SPTBN2: variants seen among roughly 807,000 people sequenced by gnomAD.
SPTBN2 encodes the protein spectrin beta chain, non-erythrocytic 2.
SPTBN2 carries 107 observed loss-of-function variants against 284.2 expected under a neutral mutation model. The observed-to-expected ratio is 0.38, with a 90% CI of 0.32 to 0.44. SPTBN2 has a LOEUF of 0.44. Ranked by LOEUF, SPTBN2 falls within the 20% of genes least tolerant of loss-of-function variation. The pLI, the probability that SPTBN2 is intolerant of heterozygous loss-of-function variation, is 1.00. For missense variants in SPTBN2, 2,569 were observed against 3,287.1 expected (o/e 0.78, Z 5.34); for synonymous variants, 1,289 against 1,354.8 (o/e 0.95, Z 1.07).
At chr11:66,699,747 G>C in intron 17 of SPTBN2, 139 bp from the exon 18 acceptor site, 1 of 887,816 alleles carries the variant, frequency 1.1e-6, no homozygotes, top group East Asian at 2.6e-5. Flanking sequence ...CTGAAGACAG[G>C]GAGGCTGCCA....
Position 66,691,851 on chromosome 11 carries a change from C to G in SPTBN2, c.5191-193G>C, listed in dbSNP as rs1393584053. Among the ~76,000 whole-genome samples the G allele has an allele frequency of 1.4e-5, 2 of 140,328 alleles. No individual in the cohort carries two copies. Among genetic ancestry groups the G allele is most frequent in the East Asian group, 5.2e-4 (2 of 3,836 alleles). The allele number at this position is 140,328 out of a possible 152,430, so 92.1% of individuals were successfully genotyped here. On this transcript the variant is annotated intron_variant, in intron 26 of 37. Coordinates refer to ENST00000533211, the MANE Select transcript of SPTBN2 (RefSeq NM_006946.4). This position sits in a 1 kb window ranked among gnomAD's most constrained non-coding sequence, Gnocchi z 8.0. ...ACTGACCCTGTATTTGACAGACTCC[C>G]TCCACCCCCAGCAAAGGCGTTTCAA...
rs767441529 is a variant in SPTBN2 at position 66,705,275 on chromosome 11, G to A, written c.2001C>T (p.Ala667=). Residue 667 remains alanine (A), a synonymous_variant, in exon 15 of 38, where the codon GCC becomes GCT. Transcript: ENST00000533211. ...VREQQHLLAS[A]DTGRDLTGAL... is the part of the protein sequence containing the mutation. The stretch of plus-strand genomic sequence containing the variant: ...CACCGGTCAGGTCTCGGCCCGTGTC[G>A]GCTGAGGCCAGGAGGTGCTGCTGCT... 10 of 1,595,778 alleles carry A rather than the reference G, an allele frequency of 6.3e-6. No individual in the cohort carries two copies. In the East Asian group the frequency reaches 1.1e-4, roughly 18 times the overall value.
upstream of SPTBN2, among the ~76,000 whole-genome samples, chr11:66,734,102 ATTTTCTTC>A (rs549931793): frequency 8.3e-3 from 1,253 of 151,376 alleles, 17 homozygotes; most frequent in African/African-American, 0.029. Flanking sequence ...GCTTCTTGAA[ATTTTCTTC>A]TTTTGTTATG....
At chr11:66,736,747 T>C (rs1942853074) in intron 1 of SPTBN2, among the ~76,000 whole-genome samples, 1 of 152,226 alleles carries the variant, frequency 6.6e-6, no homozygotes, top group South Asian at 2.1e-4. Flanking sequence ...TGAGTTGTAC[T>C]AGAAAACCCA....
chr11:66,699,203 C>T (rs1361089693), intron 18 of SPTBN2, 121 bp from the exon 19 acceptor site: 6 of 1,368,278 alleles, frequency 4.4e-6, no homozygotes, highest in East Asian at 2.4e-5. Context: ...CACAATGAGG[C>T]TACCCAGGAA....
intron 36 of SPTBN2, 123 bp downstream of exon 36, chr11:66,686,866 AGTGGC>A: frequency 4.8e-6 from 6 of 1,261,324 alleles, no homozygotes; most frequent in Non-Finnish European, 5.7e-6. Context: ...ACTATCCCCA[AGTGGC>A]TGGCCTGGTT....
Position 66,707,048 on chromosome 11 carries a change from C to T in SPTBN2, c.1653+468G>A, listed in dbSNP as rs912025798. On this transcript the variant is annotated intron_variant, in intron 13 of 37. Coordinates refer to ENST00000533211, the MANE Select transcript of SPTBN2 (RefSeq NM_006946.4). This position sits in a 1 kb window ranked among gnomAD's most constrained non-coding sequence, Gnocchi z 4.9. The stretch of plus-strand genomic sequence containing the variant: ...CTCCCAAATCTCAGTCCATGGCCCC[C>T]ACTCCTCATGCTCACAGCCCACCGG... Among the ~76,000 whole-genome samples, 2 of 152,374 alleles carry T rather than the reference C, an allele frequency of 1.3e-5. No homozygotes were observed. Among genetic ancestry groups the T allele is most frequent in the African/African-American group, 4.8e-5 (2 of 41,580 alleles).
Position 66,683,998 on chromosome 11 carries a change from C to T in SPTBN2, c.*1873G>A, listed in dbSNP as rs139200307. Among the ~76,000 whole-genome samples, 2 of 152,356 alleles carry T rather than the reference C, an allele frequency of 1.3e-5. No individual in the cohort carries two copies. Among genetic ancestry groups the T allele is most frequent in the Non-Finnish European group, 2.9e-5 (2 of 68,038 alleles). On this transcript the variant is annotated 3_prime_UTR_variant, in exon 38 of 38. Coordinates refer to ENST00000533211, the MANE Select transcript of SPTBN2 (RefSeq NM_006946.4). ...GCTGTGGAACAGTAAATCTACCCATCTTAAGGGGGAAATTATCCTGCAGGC... is the reference window on the plus strand; with the variant it reads ...GCTGTGGAACAGTAAATCTACCCATTTTAAGGGGGAAATTATCCTGCAGGC...
At chr11:66,688,987 G>A (rs536660323) in intron 30 of SPTBN2, 109 bp downstream of exon 30, 2 of 1,453,074 alleles carry the variant, frequency 1.4e-6, no homozygotes, top group East Asian at 4.8e-5. Flanking sequence ...CGAAGATTGG[G>A]CATCGTGAGT....
chr11:66,739,337 C>T lies in SPTBN2; in HGVS notation c.-475+5205G>A, dbSNP rs188607956. ...CACCTGTATCCCTGGCAAAGTGCTT[C>T]GGAGTACTGTAATCACACACAGTCA... On this transcript the variant is annotated intron_variant, in intron 1 of 37. Transcript: ENST00000611817. 3.9e-5 allele frequency among the ~76,000 whole-genome samples: 6 copies of T among 152,294 alleles called. No homozygotes were observed. The East Asian group carries it at 5.8e-4, about 15-fold the overall frequency.
At chr11:66,692,128 A>C (rs753842205) in intron 26 of SPTBN2, among the ~76,000 whole-genome samples, 1 of 152,074 alleles carries the variant, frequency 6.6e-6, no homozygotes, top group Non-Finnish European at 1.5e-5. Flanking sequence ...CTTGCTCTGG[A>C]GTGCACTAGC....
chr11:66,739,594 A>C (rs1942880337), intron 1 of SPTBN2, among the ~76,000 whole-genome samples: 1 of 152,188 alleles, frequency 6.6e-6, no homozygotes, highest in South Asian at 2.1e-4. Flanking sequence ...TGGTCTTTGG[A>C]TCAATAGGTT....
chr11:66,689,681 G>A (rs768191320), intron 29 of SPTBN2, 124 bp downstream of exon 29: 8 of 1,431,038 alleles, frequency 5.6e-6, no homozygotes, highest in Non-Finnish European at 7.8e-6. Flanking sequence ...CCCGTGAATG[G>A]CACTGAGGGG....
rs993998951 is a variant in SPTBN2 at position 66,728,821 on chromosome 11, G to T, written c.-194C>A. On this transcript the variant is annotated 5_prime_UTR_variant, in exon 1 of 38. Transcript: ENST00000533211. ...TTCCTCTAATGACACTGCCGACGAG[G>T]TTTCCCGAGATCCAGCCTCCGTTCC... 1 of 151,858 alleles carries T rather than the reference G, an allele frequency of 6.6e-6. No individual in the cohort carries two copies. The highest frequency in any genetic ancestry group is 1.5e-5 in the Non-Finnish European group (1 of 67,990). The allele number at this position is 151,858 out of a possible 1,614,324, so 9.4% of individuals were successfully genotyped here.
At position 66,700,406 on chromosome 11, in the gene SPTBN2, T is replaced by TA; in HGVS notation, c.3573+119_3573+120insT. On this transcript the variant is annotated intron_variant, in intron 17 of 37. Coordinates refer to ENST00000533211, the MANE Select transcript of SPTBN2 (RefSeq NM_006946.4). The surrounding 1 kb of genome is among the most constrained non-coding windows in gnomAD (Gnocchi z 6.6). ...TCCCAAAGTGCTGGAATTTCAGGTG[T>TA]GAACCACTGCGCTGCCCCATTTTGC... The TA allele has an allele frequency of 5.6e-6, 8 of 1,418,864 alleles. No homozygotes were observed. The highest frequency in any genetic ancestry group is 7.8e-6 in the Non-Finnish European group (8 of 1,029,692). The allele number at this position is 1,418,864 out of a possible 1,614,324, so 87.9% of individuals were successfully genotyped here. A position where few individuals can be genotyped will look rare whatever the true frequency, so the allele number is the denominator to read the frequency against.
upstream of SPTBN2, among the ~76,000 whole-genome samples, chr11:66,730,062 A>G (rs915992208): frequency 6.6e-6 from 1 of 151,920 alleles, no homozygotes; most frequent in African/African-American, 2.4e-5. Flanking sequence ...TCAGCCTCCC[A>G]AAGTGCTGGG....
chr11:66,689,080 C>A lies in SPTBN2; in HGVS notation c.6034+16G>T. On this transcript the variant is annotated intron_variant, in intron 30 of 37. Transcript: ENST00000533211. Reference sequence around the variant, plus strand: ...CCCCACTCCCCACAGGGCCTGGGGCCCCCTTGGCAGCTCACCCAGCTGAAG... The same window carrying A: ...CCCCACTCCCCACAGGGCCTGGGGCACCCTTGGCAGCTCACCCAGCTGAAG... The A allele has an allele frequency of 6.2e-7, 1 of 1,600,194 alleles. No individual in the cohort carries two copies. Among genetic ancestry groups the A allele is most frequent in the Non-Finnish European group, 8.5e-7 (1 of 1,172,406 alleles).
Position 66,715,752 on chromosome 11 carries a change from C to A in SPTBN2, c.309+78G>T. On this transcript the variant is annotated intron_variant, in intron 4 of 37. Coordinates refer to ENST00000533211, the MANE Select transcript of SPTBN2 (RefSeq NM_006946.4). The surrounding 1 kb of genome is among the most constrained non-coding windows in gnomAD (Gnocchi z 5.3). ...TTCCCGCCCTGTGCCGTCACTCTCTCTGAGGGCTGTTCTTCCAGCTGGTCC... is the reference window on the plus strand; with the variant it reads ...TTCCCGCCCTGTGCCGTCACTCTCTATGAGGGCTGTTCTTCCAGCTGGTCC... The A allele has an allele frequency of 6.3e-7, 1 of 1,575,584 alleles. No individual in the cohort carries two copies.
chr11:66,708,114 A>T lies in SPTBN2; in HGVS notation c.1350+27T>A. On this transcript the variant is annotated intron_variant, in intron 12 of 37. Coordinates refer to ENST00000533211, the MANE Select transcript of SPTBN2 (RefSeq NM_006946.4). The surrounding 1 kb of genome is among the most constrained non-coding windows in gnomAD (Gnocchi z 4.4). ...TCTCTCTCCCAGTTCTGACCAGCCTAAGCATCCTAGGAGCCTCAAGTCCTA... is the reference window on the plus strand; with the variant it reads ...TCTCTCTCCCAGTTCTGACCAGCCTTAGCATCCTAGGAGCCTCAAGTCCTA... 2 of 1,612,790 alleles carry T rather than the reference A, an allele frequency of 1.2e-6. No individual in the cohort carries two copies. Among genetic ancestry groups the T allele is most frequent in the Admixed American group, 3.3e-5 (2 of 60,006 alleles).
Sources: gnomAD v4.1 joint callset for allele counts (sites outside exome capture counted in the v4.1 genomes callset) on GRCh38, gnomAD v4.1.1 for gene constraint, Gnocchi (gnomAD v3.1) non-coding constraint, MANE v1.5 for transcripts, NCBI Gene and HGNC (gene_info 2026-07-23, HGNC 2026-07-21) for gene names.